Variants in NFAT5 observed in about 807,000 individuals in gnomAD.
The protein encoded by NFAT5 is nuclear factor of activated T-cells 5.
Under a neutral mutation model 166.5 loss-of-function variants are expected in NFAT5, and 31 were observed. The observed-to-expected ratio is 0.19, with a 90% CI of 0.14 to 0.25. The LOEUF is 0.25. NFAT5 is among the 10% of genes least tolerant of loss of function. NFAT5 has a pLI of 1.00. For missense variants in NFAT5, 1,449 were observed against 1,821.8 expected, an observed-to-expected ratio of 0.80 and a Z score of 3.72; for synonymous variants, 612 against 639.7, an observed-to-expected ratio of 0.96 and a Z score of 0.65.
chr16:69,627,857 A>G (rs2034538744), intron 3 of NFAT5, among the ~76,000 whole-genome samples: 2 of 152,162 alleles, frequency 1.3e-5, no homozygotes, highest in South Asian at 4.1e-4. Context: ...ATTTTTCTGG[A>G]ATTTTAAGTT....
intron 10 of NFAT5, among the ~76,000 whole-genome samples, chr16:69,682,534 G>T (rs1016393674): frequency 6.6e-6 from 1 of 151,802 alleles, no homozygotes; most frequent in South Asian, 2.1e-4. Flanking sequence ...GTGAGAGATC[G>T]CTTGAGCCTG....
At chr16:69,688,618 C>T (rs912462164) in intron 11 of NFAT5, among the ~76,000 whole-genome samples, 1 of 152,154 alleles carries the variant, frequency 6.6e-6, no homozygotes, top group Non-Finnish European at 1.5e-5. Flanking sequence ...CCACCCACCT[C>T]TGCCTCCCAA....
chr16:69,576,807 C>T (rs1468464316), intron 2 of NFAT5, among the ~76,000 whole-genome samples: 2 of 152,126 alleles, frequency 1.3e-5, no homozygotes, highest in South Asian at 4.1e-4. Context: ...CAAGAAATAC[C>T]TCTCTCCTGG....
chr16:69,592,193 C>T (rs1402512589), intron 2 of NFAT5, among the ~76,000 whole-genome samples: 1 of 150,452 alleles, frequency 6.6e-6, no homozygotes, highest in Admixed American at 6.7e-5. Context: ...AATTTTCCTG[C>T]CTCAACCTCC....
chr16:69,685,006 G>T lies in NFAT5; in HGVS notation c.1774+36G>T, dbSNP rs757209060. 3.4e-6 allele frequency: 5 copies of T among 1,466,452 alleles called. No homozygotes were observed. The African/African-American group carries it at 4.2e-5, about 12-fold the overall frequency. 90.8% of individuals were successfully genotyped at this position (1,466,452 alleles called of 1,614,324 possible). On this transcript the variant is annotated intron_variant, in intron 11 of 14. Transcript: ENST00000349945. ...AATTCTTCTCAAAAATCGTAATTGGGTGCTCCTGTATGTTTTCTCTAGCAC... is the reference window on the plus strand; with the variant it reads ...AATTCTTCTCAAAAATCGTAATTGGTTGCTCCTGTATGTTTTCTCTAGCAC...
At chr16:69,632,237 C>T (rs1165685859) in intron 3 of NFAT5, 1 of 152,108 alleles carries the variant, frequency 6.6e-6, no homozygotes, top group Non-Finnish European at 1.5e-5. Context: ...TAGGAGACAG[C>T]TTTTAAAAAA....
chr16:69,647,508 C>G lies in NFAT5; in HGVS notation c.734C>G (p.Ala245Gly). The change falls in exon 4 of 15, where the codon GCC becomes GGC. Residue 245 changes from alanine to glycine, a missense_variant. Ala to Gly is a moderately conservative substitution (Grantham distance 60). Coordinates refer to ENST00000349945, the MANE Select transcript of NFAT5 (RefSeq NM_138713.4). This position sits in a 1 kb window ranked among gnomAD's most constrained non-coding sequence, Gnocchi z 4.8. ...GAATCTAATATGGATATATTTGATG[C>G]CGACAGTGCCAAAGCACCTCACTAT... ...CEESNMDIFD[A>G]DSAKAPHYVL... 6.2e-7 allele frequency: 1 copy of G among 1,609,102 alleles called. No homozygotes were observed. The highest frequency in any genetic ancestry group is 8.5e-7 in the Non-Finnish European group (1 of 1,179,918).
At chr16:69,576,329 A>G (rs1269042003) in intron 2 of NFAT5, among the ~76,000 whole-genome samples, 2 of 151,148 alleles carry the variant, frequency 1.3e-5, no homozygotes, top group African/African-American at 2.4e-5. Context: ...TGAAATTGGC[A>G]TTTATACTTT....
At position 69,703,384 on chromosome 16, in the gene NFAT5, G is replaced by A. The variant is rs2037930141; in HGVS notation, c.*7033G>A. ...ATTTACTAAAATAAATAATAAACAA[G>A]ATAATGCATTATACAATTTGGGCAT... is the stretch of plus-strand genomic sequence containing the variant. On this transcript the variant is annotated 3_prime_UTR_variant, in exon 15 of 15. Transcript: ENST00000349945. The A allele has an allele frequency of 6.6e-6, 1 of 152,512 alleles. No homozygotes were observed. The highest frequency in any genetic ancestry group is 2.4e-5 in the African/African-American group (1 of 41,400). 9.4% of individuals were successfully genotyped at this position (152,512 alleles called of 1,614,324 possible). A position where few individuals can be genotyped will look rare whatever the true frequency, so the allele number is the denominator to read the frequency against.
intron 2 of NFAT5, among the ~76,000 whole-genome samples, chr16:69,584,796 A>T (rs1382568142): frequency 1.3e-5 from 2 of 151,990 alleles, no homozygotes; most frequent in East Asian, 3.9e-4. Context: ...CAAAAATAAA[A>T]TTTATTTTGG....
Position 69,638,735 on chromosome 16 carries a change from C to CAA in NFAT5, c.254-8275_254-8274dup, listed in dbSNP as rs34075469. ...TGGGCAACAGAGAGAGACTCGGTCT[C>CAA]AAAAAAAAAAAAAAAAAAAGTAAAA... On this transcript the variant is annotated intron_variant, in intron 3 of 14. Transcript: ENST00000349945. Among the ~76,000 whole-genome samples the CAA allele has an allele frequency of 5.3e-3, 465 of 88,012 alleles. 1 individual carries two copies. Among genetic ancestry groups the CAA allele is most frequent in the African/African-American group, 0.015 (369 of 24,286 alleles). The allele number at this position is 88,012 out of a possible 152,430, so 57.7% of individuals were successfully genotyped here. A position where few individuals can be genotyped will look rare whatever the true frequency, so the allele number is the denominator to read the frequency against.
chr16:69,695,058 T>C (rs1471418560), intron 13 of NFAT5, 78 bp from the exon 14 acceptor site: 5 of 1,017,582 alleles, frequency 4.9e-6, no homozygotes, highest in Non-Finnish European at 7.5e-6. Flanking sequence ...GAATCTTTAC[T>C]AATCAGATAG....
intron 1 of NFAT5, among the ~76,000 whole-genome samples, chr16:69,568,291 G>A (rs1161993708): frequency 6.6e-6 from 1 of 151,740 alleles, no homozygotes; most frequent in Admixed American, 6.6e-5. Flanking sequence ...TTGCACTCCA[G>A]CCTGGGCAAA....
At chr16:69,608,897 G>A (rs1350999326) in intron 2 of NFAT5, among the ~76,000 whole-genome samples, 1 of 151,646 alleles carries the variant, frequency 6.6e-6, no homozygotes, top group African/African-American at 2.4e-5. Context: ...CAAGGCGGGC[G>A]GATCACGAGG....
At chr16:69,645,618 C>G (rs780643710) in intron 3 of NFAT5, among the ~76,000 whole-genome samples, 7 of 152,078 alleles carry the variant, frequency 4.6e-5, no homozygotes, top group Non-Finnish European at 7.4e-5. Flanking sequence ...ACATTTTGCT[C>G]TTTATATTAT....
At chr16:69,634,390 C>G (rs75109896) in intron 3 of NFAT5, among the ~76,000 whole-genome samples, 19 of 151,394 alleles carry the variant, frequency 1.3e-4, no homozygotes, top group African/African-American at 4.6e-4. Context: ...TCACTGGGTG[C>G]AAATGACTAT....
chr16:69,626,269 T>G, intron 2 of NFAT5, 134 bp from the exon 3 acceptor site: 1 of 764,342 alleles, frequency 1.3e-6, no homozygotes, highest in Non-Finnish European at 1.9e-6. Context: ...GCTCTTTACA[T>G]TAATTTTGTG....
rs1231893521 is a variant in NFAT5 at position 69,647,921 on chromosome 16, C to T, written c.812+335C>T. The stretch of plus-strand genomic sequence containing the variant: ...GTGCGGTGGCTCACACCTGTAATCC[C>T]AGCACTTTGGGAGGCCGAGGCGGGC... On this transcript the variant is annotated intron_variant, in intron 4 of 14. Transcript: ENST00000349945. This position sits in a 1 kb window ranked among gnomAD's most constrained non-coding sequence, Gnocchi z 4.8. Among the ~76,000 whole-genome samples, 1 of 152,036 alleles carries T rather than the reference C, an allele frequency of 6.6e-6. No individual in the cohort carries two copies. Among genetic ancestry groups the T allele is most frequent in the African/African-American group, 2.4e-5 (1 of 41,390 alleles).
In NFAT5 at chr16:69,578,096, C is replaced by T. The variant is rs1266130479; in HGVS notation, c.127+9548C>T. Among the ~76,000 whole-genome samples, 6 of 152,128 alleles carry T rather than the reference C, an allele frequency of 3.9e-5. No homozygotes were observed. The East Asian group carries it at 1.2e-3, about 29-fold the overall frequency. On this transcript the variant is annotated intron_variant, in intron 2 of 14. Transcript: ENST00000349945. ...GTAACAGCTATTTATGTAGCACTTACATTGTATTAGGTATAAGTAATCTAG... is the reference window on the plus strand; with the variant it reads ...GTAACAGCTATTTATGTAGCACTTATATTGTATTAGGTATAAGTAATCTAG...
Sources: gnomAD v4.1 joint callset for allele counts (sites outside exome capture counted in the v4.1 genomes callset) on GRCh38, gnomAD v4.1.1 for gene constraint, Gnocchi (gnomAD v3.1) non-coding constraint, MANE v1.5 for transcripts, NCBI Gene and HGNC (gene_info 2026-07-23, HGNC 2026-07-21) for gene names.